ABCC6: variants seen among roughly 807,000 people sequenced by gnomAD.
The protein encoded by ABCC6 is ATP-binding cassette sub-family C member 6.
Under a neutral mutation model 169.5 loss-of-function variants are expected in ABCC6, and 126 were observed. That is an observed-to-expected ratio of 0.74 (90% CI 0.64 to 0.86). The LOEUF is 0.86. Ranked by LOEUF, ABCC6 falls within the 40% of genes least tolerant of loss-of-function variation. The pLI, the probability that ABCC6 is intolerant of heterozygous loss-of-function variation, is 0.00. For synonymous variants in ABCC6, 752 were observed against 814.7 expected, an observed-to-expected ratio of 0.92 and a Z score of 1.31; for missense variants, 1,733 against 1,927.2, an observed-to-expected ratio of 0.90 and a Z score of 1.89.
intron 13 of ABCC6, among the ~76,000 whole-genome samples, chr16:16,188,438 C>T (rs779323453): frequency 6.6e-6 from 1 of 152,060 alleles, no homozygotes; most frequent in Non-Finnish European, 1.5e-5. Flanking sequence ...ATGGAGATGG[C>T]TCAGGTATGC....
At chr16:16,191,892 C>G (rs934927864) in intron 11 of ABCC6, among the ~76,000 whole-genome samples, 1 of 152,134 alleles carries the variant, frequency 6.6e-6, no homozygotes, top group Non-Finnish European at 1.5e-5. Flanking sequence ...AACTAGATGC[C>G]GAGTTGGCCA....
intron 18 of ABCC6, among the ~76,000 whole-genome samples, chr16:16,177,865 C>T (rs761292896): frequency 6.6e-6 from 1 of 151,978 alleles, no homozygotes; most frequent in African/African-American, 2.4e-5. Flanking sequence ...ATCACTTAAA[C>T]CTGGGAGGTG....
intron 6 of ABCC6, among the ~76,000 whole-genome samples, chr16:16,209,372 C>T (rs938321383): frequency 6.6e-6 from 1 of 152,148 alleles, no homozygotes; most frequent in Non-Finnish European, 1.5e-5. Flanking sequence ...GCATGAGCCA[C>T]CACACCCAGC....
chr16:16,219,279 T>A (rs973693152), intron 4 of ABCC6, among the ~76,000 whole-genome samples: 3 of 151,284 alleles, frequency 2.0e-5, no homozygotes, highest in Non-Finnish European at 4.4e-5. Flanking sequence ...ACTTGTGCGA[T>A]GTATGAATCA....
chr16:16,205,371 T>A (rs2376794), intron 7 of ABCC6, among the ~76,000 whole-genome samples: 1 of 152,160 alleles, frequency 6.6e-6, no homozygotes, highest in Admixed American at 6.5e-5. Context: ...ATTTATGGTT[T>A]GTAAAGGGTT....
At position 16,150,139 on chromosome 16, in the gene ABCC6, C is replaced by T; in HGVS notation, c.4506G>A (p.Leu1502=). 6.2e-7 allele frequency: 1 copy of T among 1,612,486 alleles called. No homozygotes were observed. Among genetic ancestry groups the T allele is most frequent in the Non-Finnish European group, 8.5e-7 (1 of 1,180,002 alleles). ...LFYRLAQESG[L]V ...TACGGTTGAGGGTCCTGGCTCAGAC[C>T]AGGCCTGACTCCTGGGCCAGTCTGT... Residue 1502 remains leucine (L), a synonymous_variant, in exon 31 of 31, where the codon CTG becomes CTA. Transcript: ENST00000205557.
rs938837526 is a variant in ABCC6 at position 16,188,819 on chromosome 16, C to T, written c.1779+12G>A. The T allele has an allele frequency of 1.2e-6, 2 of 1,612,098 alleles. No individual in the cohort carries two copies. Among genetic ancestry groups the T allele is most frequent in the Non-Finnish European group, 1.7e-6 (2 of 1,179,164 alleles). On this transcript the variant is annotated intron_variant, in intron 13 of 30. Coordinates refer to ENST00000205557, the MANE Select transcript of ABCC6 (RefSeq NM_001171.6). ...TCTCCCAGGATGGCTCCAGCCCTTG[C>T]ACCCACCTCACCTGGACGAGGGAGT... is the stretch of plus-strand genomic sequence containing the variant.
Position 16,163,151 on chromosome 16 carries a change from C to G in ABCC6, c.3348G>C (p.Glu1116Asp). The G allele has an allele frequency of 6.2e-7, 1 of 1,613,748 alleles. No homozygotes were observed. Among genetic ancestry groups the G allele is most frequent in the Non-Finnish European group, 8.5e-7 (1 of 1,180,042 alleles). Residue 1116 changes from glutamate to aspartate, a missense_variant, in exon 24 of 31, where the codon GAG becomes GAC. By Grantham distance (45) the Glu-to-Asp change is conservative (BLOSUM62 2). This residue lies in a region of ABCC6 where 1,601 missense variants were observed against 1,635.5 expected (regional missense o/e 0.98). Transcript: ENST00000205557. ...VVSSCQLRRL[E>D]SASYSSVCSH... ...AGCAGACAGACGAGTAGCTGGCTGACTCCAAGCGTCTCAGCTGGCATGAGC... is the reference window on the plus strand; with the variant it reads ...AGCAGACAGACGAGTAGCTGGCTGAGTCCAAGCGTCTCAGCTGGCATGAGC...
At chr16:16,192,943 A>G in intron 10 of ABCC6, 21 bp from the exon 11 acceptor site, 1 of 1,604,986 alleles carries the variant, frequency 6.2e-7, no homozygotes, top group East Asian at 2.2e-5. Context: ...AAGGGGCAGG[A>G]TGTCAGGAGA....
intron 18 of ABCC6, 107 bp from the exon 19 acceptor site, chr16:16,177,733 A>C: frequency 1.5e-6 from 2 of 1,363,300 alleles, no homozygotes; most frequent in Non-Finnish European, 2.1e-6. Context: ...ACTTGAGGCC[A>C]GAAGTTCGAG....
intron 7 of ABCC6, 31 bp downstream of exon 7, chr16:16,208,697 T>C: frequency 6.2e-7 from 1 of 1,613,598 alleles, no homozygotes; most frequent in Non-Finnish European, 8.5e-7. Context: ...TGAAGTAGCA[T>C]CAGGTGAGTT....
chr16:16,203,343 C>G (rs1305683149), intron 8 of ABCC6, 67 bp downstream of exon 8: 7 of 1,608,066 alleles, frequency 4.4e-6, no homozygotes, highest in Non-Finnish European at 5.9e-6. Flanking sequence ...CTGAAGCCCC[C>G]TGGCCCTGGA....
At chr16:16,207,276 G>T (rs1014214311) in intron 7 of ABCC6, among the ~76,000 whole-genome samples, 3 of 152,256 alleles carry the variant, frequency 2.0e-5, no homozygotes, top group Non-Finnish European at 4.4e-5. Flanking sequence ...AGCCCCCTGG[G>T]CATGGGATTG....
chr16:16,157,772 G>A lies in ABCC6; in HGVS notation c.3773C>T (p.Pro1258Leu). The change falls in exon 27 of 31, where the codon CCC becomes CTC. Residue 1258 changes from proline to leucine, a missense_variant. Transcript: ENST00000205557. Reference sequence around the variant, plus strand: ...CTCGATCTGCCCGCCCTGAGGCCAGGGGGGCTGAGCTGCACATGTGGGCAG... The same window carrying A: ...CTCGATCTGCCCGCCCTGAGGCCAGAGGGGCTGAGCTGCACATGTGGGCAG... ...WRLPTCAAQPPWPQGGQIEFR... is the reference protein window; with the variant it reads ...WRLPTCAAQPLWPQGGQIEFR... 6.2e-7 allele frequency: 1 copy of A among 1,613,546 alleles called. No homozygotes were observed. Among genetic ancestry groups the A allele is most frequent in the Non-Finnish European group, 8.5e-7 (1 of 1,179,998 alleles).
At chr16:16,168,498 T>C (rs1000645464) in intron 22 of ABCC6, among the ~76,000 whole-genome samples, 4 of 151,904 alleles carry the variant, frequency 2.6e-5, no homozygotes, top group Non-Finnish European at 4.4e-5. Flanking sequence ...TATATGTGTG[T>C]GTGTGTATAA....
intron 10 of ABCC6, among the ~76,000 whole-genome samples, chr16:16,194,927 A>T (rs1169569085): frequency 2.6e-5 from 4 of 151,910 alleles, no homozygotes; most frequent in East Asian, 1.9e-4. Flanking sequence ...TGATCCACCC[A>T]CCTCAGCCTC....
intron 10 of ABCC6, among the ~76,000 whole-genome samples, chr16:16,196,891 C>G (rs578245323): frequency 6.6e-6 from 1 of 151,978 alleles, no homozygotes; most frequent in African/African-American, 2.4e-5. Context: ...TCAGTAGAGA[C>G]GGGGTTGGCC....
chr16:16,174,471 T>A (rs1450218378), intron 20 of ABCC6, among the ~76,000 whole-genome samples: 4 of 152,170 alleles, frequency 2.6e-5, no homozygotes, highest in Non-Finnish European at 5.9e-5. Context: ...AGTTAACCTC[T>A]GTTAGCCAGG....
At chr16:16,189,792 C>T (rs2047779998) in intron 12 of ABCC6, among the ~76,000 whole-genome samples, 2 of 152,108 alleles carry the variant, frequency 1.3e-5, no homozygotes, top group African/African-American at 4.8e-5. Flanking sequence ...TACAGAATGG[C>T]AGGACAAGGA....
Sources: gnomAD v4.1 joint callset for allele counts (sites outside exome capture counted in the v4.1 genomes callset) on GRCh38, gnomAD v4.1.1 for gene constraint, gnomAD v4.1.1 regional missense constraint, MANE v1.5 for transcripts, NCBI Gene and HGNC (gene_info 2026-07-23, HGNC 2026-07-21) for gene names.